Variants in TRIM27 observed in about 807,000 individuals in gnomAD.
The protein encoded by TRIM27 is zinc finger protein RFP.
In TRIM27, 12 loss-of-function variants were observed where a neutral mutation model predicts 57.6. The observed-to-expected ratio is 0.21, with a 90% CI of 0.13 to 0.34. The LOEUF is 0.34. TRIM27 is among the 10% of genes least tolerant of loss of function. TRIM27 has a pLI of 1.00. For missense variants in TRIM27, 403 were observed against 656.8 expected (o/e 0.61, Z 4.22); for synonymous variants, 266 against 259.0 (o/e 1.03, Z -0.26).
chr6:28,911,150 G>A (rs902114078), intron 4 of TRIM27, among the ~76,000 whole-genome samples: 2 of 150,714 alleles, frequency 1.3e-5, no homozygotes, highest in Non-Finnish European at 2.9e-5. Flanking sequence ...CTGGCTTACT[G>A]CCCCCTCCAA....
intron 3 of TRIM27, among the ~76,000 whole-genome samples, chr6:28,919,807 A>G (rs1045222293): frequency 2.0e-5 from 3 of 152,252 alleles, no homozygotes; most frequent in Admixed American, 1.3e-4. Flanking sequence ...TCTATGAGAC[A>G]ACGCAATTGA....
At chr6:28,911,956 C>G in intron 3 of TRIM27, among the ~76,000 whole-genome samples, 1 of 152,216 alleles carries the variant, frequency 6.6e-6, no homozygotes, top group Non-Finnish European at 1.5e-5. Flanking sequence ...CCACCATCCA[C>G]TGGTCAAGGA....
rs1212803073 is a variant in TRIM27 at position 28,921,889 on chromosome 6, T to C, written c.516+3A>G. 5 of 1,611,424 alleles carry C rather than the reference T, an allele frequency of 3.1e-6. No homozygotes were observed. The highest frequency in any genetic ancestry group is 4.2e-6 in the Non-Finnish European group (5 of 1,178,678). ...ACCAACTGTGAATTCCAACAACCCT[T>C]ACCAAGAGTTCAGCTCGTGCCTGTT... On this transcript the variant is annotated splice_donor_region_variant and intron_variant, in intron 2 of 7. Coordinates refer to ENST00000377199, the MANE Select transcript of TRIM27 (RefSeq NM_006510.5).
In TRIM27 at chr6:28,904,531, A is replaced by G. The variant is rs1772620455; in HGVS notation, c.1081T>C (p.Leu361=). ...CCGGCGATGAAGCATGGAGAGCCCA[A>G]GACACAGGGAAACAGATTGAACCTC... The part of the protein sequence containing the change: ...PERFNLFPCV[L]GSPCFIAGRH... The change falls in exon 8 of 8, where the codon TTG becomes CTG. Residue 361 remains leucine (L), a synonymous_variant. Transcript: ENST00000377199. This position sits in a 1 kb window ranked among gnomAD's most constrained non-coding sequence, Gnocchi z 6.1. 2.5e-6 allele frequency: 4 copies of G among 1,612,796 alleles called. No homozygotes were observed. The South Asian group carries it at 3.3e-5, about 13-fold the overall frequency.
rs1389131699 is a variant in TRIM27 at position 28,903,566 on chromosome 6, T to C, written c.*504A>G. 2.9e-5 allele frequency: 7 copies of C among 237,320 alleles called. No individual in the cohort carries two copies. The highest frequency in any genetic ancestry group is 5.0e-5 in the Non-Finnish European group (6 of 121,040). 14.7% of individuals were successfully genotyped at this position (237,320 alleles called of 1,614,324 possible). ...ATGGAGTTAATAAAACTATGGCACA[T>C]TGGGAATCAGGGGCAGAGGTACTGT... On this transcript the variant is annotated 3_prime_UTR_variant, in exon 8 of 8. Coordinates refer to ENST00000377199, the MANE Select transcript of TRIM27 (RefSeq NM_006510.5).
chr6:28,911,711 C>G lies in TRIM27; in HGVS notation c.755G>C (p.Gly252Ala). 6.2e-7 allele frequency: 1 copy of G among 1,611,914 alleles called. No homozygotes were observed. Among genetic ancestry groups the G allele is most frequent in the South Asian group, 1.1e-5 (1 of 90,522 alleles). ...QPTRELLQDI[G>A]DTLSRAERIR... Reference sequence around the variant, plus strand: ...AAAACTATACCTGCTCAATGTGTCCCCAATGTCCTGCAAGAGAAAGGAAAA... The same window carrying G: ...AAAACTATACCTGCTCAATGTGTCCGCAATGTCCTGCAAGAGAAAGGAAAA... The change falls in exon 4 of 8, where the codon GGG (glycine) becomes GCG (alanine). Residue 252 changes from glycine (G) to alanine (A), a missense_variant. Transcript: ENST00000377199.
At position 28,923,586 on chromosome 6, in the gene TRIM27, C is replaced by A; in HGVS notation, c.47G>T (p.Cys16Phe). ...TGCGAAGTACTGCAGGCACACGGGGCAGGTGGTCTCCTGCTGCAGGCACTC... is the reference window on the plus strand; with the variant it reads ...TGCGAAGTACTGCAGGCACACGGGGAAGGTGGTCTCCTGCTGCAGGCACTC... ...VAECLQQETTCPVCLQYFAEP... is the reference protein window; with the variant it reads ...VAECLQQETTFPVCLQYFAEP... Residue 16 changes from cysteine (C) to phenylalanine (F), a missense_variant, in exon 1 of 8, where the codon TGC becomes TTC. Coordinates refer to ENST00000377199, the MANE Select transcript of TRIM27 (RefSeq NM_006510.5). 6.2e-7 allele frequency: 1 copy of A among 1,604,288 alleles called. No individual in the cohort carries two copies.
rs1772566853 is a variant in TRIM27 at position 28,903,809 on chromosome 6, T to G, written c.*261A>C. 7.5e-6 allele frequency: 4 copies of G among 532,604 alleles called. No homozygotes were observed. Among genetic ancestry groups the G allele is most frequent in the Non-Finnish European group, 6.7e-6 (2 of 299,682 alleles). The allele number at this position is 532,604 out of a possible 1,614,324, so 33.0% of individuals were successfully genotyped here. ...TCCATACTCTTTATCCCTCCAGCGA[T>G]GTGTAAAACCAGAAAGTATGAAACA... On this transcript the variant is annotated 3_prime_UTR_variant, in exon 8 of 8. Coordinates refer to ENST00000377199, the MANE Select transcript of TRIM27 (RefSeq NM_006510.5).
At chr6:28,917,343 C>T (rs906154501) in intron 3 of TRIM27, among the ~76,000 whole-genome samples, 5 of 151,602 alleles carry the variant, frequency 3.3e-5, no homozygotes, top group Non-Finnish European at 7.4e-5. Context: ...TTTGGGAGGC[C>T]GAGGCAGAAG....
Position 28,906,761 on chromosome 6 carries a change from G to A in TRIM27, c.946+475C>T, listed in dbSNP as rs180938164. The A allele has an allele frequency of 1.2e-3, 186 of 155,750 alleles. 4 individuals are homozygous for A. In the South Asian group the frequency reaches 0.033, roughly 27 times the overall value. 9.6% of individuals were successfully genotyped at this position (155,750 alleles called of 1,614,324 possible). A position where few individuals can be genotyped will look rare whatever the true frequency, so the allele number is the denominator to read the frequency against. On this transcript the variant is annotated intron_variant, in intron 7 of 7. Coordinates refer to ENST00000377199, the MANE Select transcript of TRIM27 (RefSeq NM_006510.5). ...TTAAATTTACCCAGGCTCTATAGTA[G>A]GGTGAAAGCGGTTGTGAGGGGGAAG...
chr6:28,919,490 A>C (rs1384316139), intron 3 of TRIM27, among the ~76,000 whole-genome samples: 7 of 152,340 alleles, frequency 4.6e-5, no homozygotes, highest in African/African-American at 1.7e-4. Context: ...GCATTAGCTC[A>C]TTTCCTGTAG....
rs536781529 is a variant in TRIM27, at chr6:28,912,131, G to C, written c.748-413C>G. On this transcript the variant is annotated intron_variant, in intron 3 of 7. Transcript: ENST00000377199. The stretch of plus-strand genomic sequence containing the variant: ...CTTTTTTTTTTTTTTTTTTTGAGAC[G>C]GAGTCTCGCTCTGTGTAGCCCAGGC... Among the ~76,000 whole-genome samples, 197 of 145,198 alleles carry C rather than the reference G, an allele frequency of 1.4e-3. 1 individual carries two copies. Among genetic ancestry groups the C allele is most frequent in the African/African-American group, 4.3e-3 (169 of 39,316 alleles).
intron 7 of TRIM27, 101 bp downstream of exon 7, chr6:28,907,135 G>C: frequency 8.7e-7 from 1 of 1,144,580 alleles, no homozygotes; most frequent in Non-Finnish European, 1.3e-6. Flanking sequence ...GTAACCAAAA[G>C]AATCCAAATC....
chr6:28,915,293 T>TAAAAAAAA (rs9256952), intron 3 of TRIM27: 1 of 111,958 alleles, frequency 8.9e-6, no homozygotes, highest in Non-Finnish European at 1.8e-5. Context: ...AAAATATTCT[T>TAAAAAAAA]AAAAAAAAAA....
At chr6:28,912,631 T>C (rs1443566099) in intron 3 of TRIM27, among the ~76,000 whole-genome samples, 2 of 152,228 alleles carry the variant, frequency 1.3e-5, no homozygotes, top group Admixed American at 1.3e-4. Flanking sequence ...TTCCATAGTG[T>C]ATATGTGCAT....
rs760378281 is a variant in TRIM27, at chr6:28,923,249, G to A, written c.384C>T (p.Ser128=). 4.4e-6 allele frequency: 7 copies of A among 1,604,420 alleles called. No individual in the cohort carries two copies. The South Asian group carries it at 7.7e-5, about 18-fold the overall frequency. ...CCACCGCCTCCTCGAGCGGCAGCAC[G>A]CTGTGGCCGCGGTGCTCGCGGGAGC... ...CDRSREHRGH[S]VLPLEEAVEG... is the part of the protein sequence containing the mutation. The change falls in exon 1 of 8, where the codon AGC becomes AGT. Residue 128 remains serine, a synonymous_variant. Transcript: ENST00000377199.
intron 3 of TRIM27, among the ~76,000 whole-genome samples, chr6:28,912,761 A>G (rs767210503): frequency 3.3e-5 from 5 of 152,216 alleles, no homozygotes; most frequent in Non-Finnish European, 4.4e-5. Context: ...TTTAATAGTT[A>G]TATCTTCAAA....
intron 4 of TRIM27, 82 bp downstream of exon 4, chr6:28,911,614 A>G: frequency 7.1e-7 from 1 of 1,414,832 alleles, no homozygotes; most frequent in Non-Finnish European, 9.8e-7. Flanking sequence ...CCTCAGGCTC[A>G]GGGCTCCTTT....
intron 6 of TRIM27, chr6:28,907,854 G>A (rs923449641): frequency 1.6e-4 from 51 of 314,954 alleles, no homozygotes; most frequent in Non-Finnish European, 2.9e-4. Context: ...CATTTGTCTT[G>A]CTTGTAGAGG....
Sources: allele counts gnomAD v4.1 joint callset (sites outside exome capture counted in the v4.1 genomes callset), GRCh38; gene constraint gnomAD v4.1.1; non-coding constraint Gnocchi (gnomAD v3.1); transcripts MANE v1.5; gene names NCBI Gene and HGNC (gene_info 2026-07-23, HGNC 2026-07-21).